UGT1A7: variants seen among roughly 807,000 people sequenced by gnomAD.
UGT1A7 encodes UDP glucuronosyltransferase family 1 member A7.
Under a neutral mutation model 45.6 loss-of-function variants are expected in UGT1A7, and 33 were observed. The ratio of observed to expected loss-of-function variants is 0.72; its 90% CI spans 0.55 to 0.97. The LOEUF (loss-of-function observed/expected upper bound fraction) is 0.97, where lower values mean the gene tolerates loss of function less well. Ranked by LOEUF, UGT1A7 falls within the 50% of genes least tolerant of loss-of-function variation. UGT1A7 has a pLI of 0.00. For missense variants in UGT1A7, 684 were observed against 666.2 expected (o/e 1.03, Z -0.29); for synonymous variants, 274 against 250.6 (o/e 1.09, Z -0.88).
chr2:233,695,621 C>A (rs1180355344), intron 1 of UGT1A7, among the ~76,000 whole-genome samples: 1 of 152,022 alleles, frequency 6.6e-6, no homozygotes, highest in African/African-American at 2.4e-5. Context: ...GAACTCTCTA[C>A]CTCCATGAGA....
intron 1 of UGT1A7, chr2:233,719,057 C>T (rs777947055): frequency 1.2e-6 from 2 of 1,614,274 alleles, no homozygotes; most frequent in South Asian, 2.2e-5. Flanking sequence ...CCCTGACAGC[C>T]TATGCTGTTC....
At chr2:233,731,532 G>A (rs1386251909) in intron 1 of UGT1A7, among the ~76,000 whole-genome samples, 1 of 152,172 alleles carries the variant, frequency 6.6e-6, no homozygotes, top group Non-Finnish European at 1.5e-5. Context: ...AGAACATGCG[G>A]TGTTTGGTTT....
intron 1 of UGT1A7, chr2:233,718,754 G>A: frequency 3.7e-6 from 6 of 1,612,386 alleles, no homozygotes; most frequent in Non-Finnish European, 5.1e-6. Flanking sequence ...GGTAATTAAG[G>A]CGAAGGAAAC....
At chr2:233,699,721 T>C (rs1221537846) in intron 1 of UGT1A7, among the ~76,000 whole-genome samples, 1 of 152,232 alleles carries the variant, frequency 6.6e-6, no homozygotes, top group East Asian at 1.9e-4. Flanking sequence ...CAGCATTTTT[T>C]ACGGAGCGTT....
chr2:233,729,862 G>T lies in UGT1A7; in HGVS notation c.856-37172G>T, dbSNP rs146461519. On this transcript the variant is annotated intron_variant, in intron 1 of 4. Transcript: ENST00000373426. Reference sequence around the variant, plus strand: ...GCTTTTTCAGAGAGAGGTGTCAGTGGTGGATATTCTCAGTCATGCATCTGT... The same window carrying T: ...GCTTTTTCAGAGAGAGGTGTCAGTGTTGGATATTCTCAGTCATGCATCTGT... 816 of 1,613,860 alleles carry T rather than the reference G, an allele frequency of 5.1e-4. 3 individuals are homozygous for T. In the Middle Eastern group the frequency reaches 7.4e-3, roughly 15 times the overall value.
chr2:233,760,213 G>A (rs1697347884), intron 1 of UGT1A7: 1 of 1,592,276 alleles, frequency 6.3e-7, no homozygotes, highest in Non-Finnish European at 8.5e-7. Context: ...CATTAACTTG[G>A]TGTATCGATT....
chr2:233,743,980 GGC>G, intron 1 of UGT1A7: 1 of 1,302,864 alleles, frequency 7.7e-7, no homozygotes, highest in South Asian at 1.3e-5. Context: ...CCAGCACCCA[GGC>G]GCAGGCCCGA....
At chr2:233,727,955 A>G (rs2077669269) in intron 1 of UGT1A7, among the ~76,000 whole-genome samples, 2 of 152,220 alleles carry the variant, frequency 1.3e-5, no homozygotes, top group Admixed American at 6.5e-5. Flanking sequence ...GCCTGCCCAC[A>G]TCATCCTGAG....
chr2:233,706,890 G>A (rs563371230), intron 1 of UGT1A7, among the ~76,000 whole-genome samples: 1 of 152,282 alleles, frequency 6.6e-6, no homozygotes, highest in East Asian at 1.9e-4. Flanking sequence ...GCTCTGGTTG[G>A]AGGCATTTTA....
intron 1 of UGT1A7, among the ~76,000 whole-genome samples, chr2:233,728,333 C>T (rs2077701109): frequency 6.6e-6 from 1 of 152,198 alleles, no homozygotes; most frequent in Admixed American, 6.5e-5. Context: ...CCAGCTCCCC[C>T]AGTCCCTTGG....
chr2:233,753,747 C>A (rs1162212818), intron 1 of UGT1A7: 2 of 152,344 alleles, frequency 1.3e-5, no homozygotes, highest in African/African-American at 4.8e-5. Context: ...AGCAATAGGA[C>A]AGTTTTGCGT....
chr2:233,684,766 A>T (rs182124602), intron 1 of UGT1A7, among the ~76,000 whole-genome samples: 38 of 152,314 alleles, frequency 2.5e-4, no homozygotes, highest in Non-Finnish European at 4.9e-4. Flanking sequence ...TTCAGATCAT[A>T]AAGAGTGCCC....
At chr2:233,691,284 A>G (rs555799821) in intron 1 of UGT1A7, 1 of 985,524 alleles carries the variant, frequency 1.0e-6, no homozygotes, top group Non-Finnish European at 1.2e-6. Context: ...GACTTTGATC[A>G]TTGTAAGCTG....
rs548796271 is a variant in UGT1A7, at chr2:233,768,515, C to A, written c.1295+76C>A. 220 of 1,546,098 alleles carry A rather than the reference C, an allele frequency of 1.4e-4. No individual in the cohort carries two copies. In the African/African-American group the frequency reaches 2.5e-3, roughly 18 times the overall value. ...ATTGTTTCAAATATGAAAACATTTA[C>A]GTAGCATTTAATAGCGTTGTTTCAA... On this transcript the variant is annotated intron_variant, in intron 4 of 4. Transcript: ENST00000373426.
At chr2:233,745,396 T>A (rs1020698339) in intron 1 of UGT1A7, among the ~76,000 whole-genome samples, 1 of 151,856 alleles carries the variant, frequency 6.6e-6, no homozygotes, top group Non-Finnish European at 1.5e-5. Flanking sequence ...TATTCTCTTT[T>A]TGACACTGGA....
At chr2:233,735,331 C>A (rs2078638880) in intron 1 of UGT1A7, among the ~76,000 whole-genome samples, 1 of 152,064 alleles carries the variant, frequency 6.6e-6, no homozygotes, top group Non-Finnish European at 1.5e-5. Context: ...AGGATTGCAA[C>A]CCCTGCTTTT....
chr2:233,691,741 C>T (rs1019333955), intron 1 of UGT1A7: 1 of 650,910 alleles, frequency 1.5e-6, no homozygotes, highest in African/African-American at 2.0e-5. Context: ...GAAGCAGATA[C>T]CAGGCTTTCT....
chr2:233,692,987 A>T, intron 1 of UGT1A7: 1 of 1,613,680 alleles, frequency 6.2e-7, no homozygotes, highest in South Asian at 1.1e-5. Flanking sequence ...TACCGTTGTT[A>T]CTTTAACTCT....
rs763953331 is a variant in UGT1A7, at chr2:233,743,717, C to T, written c.856-23317C>T. The T allele has an allele frequency of 8.8e-6, 12 of 1,367,234 alleles. No individual in the cohort carries two copies. In the East Asian group the frequency reaches 2.7e-4, roughly 31 times the overall value. 84.7% of individuals were successfully genotyped at this position (1,367,234 alleles called of 1,614,324 possible). On this transcript the variant is annotated intron_variant, in intron 1 of 4. Coordinates refer to ENST00000373426, the MANE Select transcript of UGT1A7 (RefSeq NM_019077.3). ...GCCCTCCGCCCCCGCCTCGCCATAG[C>T]GGTCATAGATATCGCGTTTCTTGGC... is the stretch of plus-strand genomic sequence containing the variant.
Sources: gnomAD v4.1 joint callset for allele counts (sites outside exome capture counted in the v4.1 genomes callset) on GRCh38, gnomAD v4.1.1 for gene constraint, MANE v1.5 for transcripts, NCBI Gene and HGNC (gene_info 2026-07-23, HGNC 2026-07-21) for gene names.